IGFBP7: variants seen among roughly 807,000 people sequenced by gnomAD.
IGFBP7 encodes the protein insulin like growth factor binding protein 7, also known as insulin-like growth factor-binding protein 7.
A neutral mutation model predicts 29.4 loss-of-function variants in IGFBP7; 31 were observed. That is an observed-to-expected ratio of 1.05 (90% CI 0.79 to 1.42). The LOEUF (loss-of-function observed/expected upper bound fraction) is 1.42, where lower values mean the gene tolerates loss of function less well. Among genes scored for constraint, IGFBP7 ranks in the 40% most tolerant of loss-of-function variants. The probability of loss-of-function intolerance (pLI) is 0.00; values close to 1 mark genes in which losing one functional copy is unlikely to be tolerated. For missense variants in IGFBP7, 393 were observed against 395.5 expected (o/e 0.99, Z 0.05); for synonymous variants, 172 against 174.9 (o/e 0.98, Z 0.13).
intron 1 of IGFBP7, among the ~76,000 whole-genome samples, chr4:57,078,992 C>T (rs377319511): frequency 3.3e-5 from 5 of 152,296 alleles, no homozygotes; most frequent in East Asian, 1.9e-4. Context: ...CCTCCTGCTG[C>T]GGTGGCTTGT....
At chr4:57,104,503 A>G (rs10029224) in intron 1 of IGFBP7, among the ~76,000 whole-genome samples, 148,438 of 152,288 alleles carry the variant, frequency 0.97, 72,461 homozygotes, top group East Asian at 1. Context: ...CTTTGTTTCA[A>G]CTTTCAATGA....
intron 1 of IGFBP7, among the ~76,000 whole-genome samples, chr4:57,044,745 G>T (rs1578611891): frequency 6.6e-6 from 1 of 152,210 alleles, no homozygotes; most frequent in East Asian, 1.9e-4. Flanking sequence ...CAATAACTAT[G>T]GCATAATTTA....
intron 1 of IGFBP7, among the ~76,000 whole-genome samples, chr4:57,103,039 G>A (rs868487452): frequency 2.0e-5 from 3 of 152,126 alleles, no homozygotes; most frequent in Non-Finnish European, 4.4e-5. Flanking sequence ...AGCAGTCACC[G>A]AATAAGAAAA....
At chr4:57,104,115 G>A (rs1385216647) in intron 1 of IGFBP7, among the ~76,000 whole-genome samples, 3 of 151,894 alleles carry the variant, frequency 2.0e-5, no homozygotes, top group Admixed American at 6.6e-5. Flanking sequence ...TTGTCATTCT[G>A]TGCTTGGCTT....
chr4:57,099,173 C>T (rs1332264913), intron 1 of IGFBP7, among the ~76,000 whole-genome samples: 2 of 152,168 alleles, frequency 1.3e-5, no homozygotes, highest in African/African-American at 4.8e-5. Flanking sequence ...AGACAAACCT[C>T]TGTAGAAGCT....
intron 1 of IGFBP7, among the ~76,000 whole-genome samples, chr4:57,074,382 A>G (rs368453664): frequency 1.1e-4 from 17 of 152,214 alleles, no homozygotes; most frequent in African/African-American, 3.6e-4. Flanking sequence ...CTCTAATCCC[A>G]AATAAAAACA....
chr4:57,046,003 G>A (rs1724348340), intron 1 of IGFBP7, among the ~76,000 whole-genome samples: 1 of 152,136 alleles, frequency 6.6e-6, no homozygotes. Flanking sequence ...TGGGATTACA[G>A]GTGTGAGCCA....
At chr4:57,071,258 T>A (rs542985699) in intron 1 of IGFBP7, among the ~76,000 whole-genome samples, 2 of 152,360 alleles carry the variant, frequency 1.3e-5, no homozygotes, top group South Asian at 4.1e-4. Flanking sequence ...TGCTGCAGCC[T>A]CTGGAAAGCC....
In IGFBP7 at chr4:57,050,461, T is replaced by G. The variant is rs576427075; in HGVS notation, c.476-9528A>C. Among the ~76,000 whole-genome samples the G allele has an allele frequency of 3.9e-5, 6 of 151,948 alleles. No homozygotes were observed. The South Asian group carries it at 1.2e-3, about 32-fold the overall frequency. ...GGTTTCACCATGTTGGCCAGGCTGG[T>G]CTCGAACTCCTGACCTCAGGTGATC... is the stretch of plus-strand genomic sequence containing the variant. On this transcript the variant is annotated intron_variant, in intron 1 of 4. Coordinates refer to ENST00000295666, the MANE Select transcript of IGFBP7 (RefSeq NM_001553.3).
At chr4:57,043,150 C>G (rs952406524) in intron 1 of IGFBP7, among the ~76,000 whole-genome samples, 1 of 152,164 alleles carries the variant, frequency 6.6e-6, no homozygotes. Flanking sequence ...ATTCTGAATG[C>G]CAGGGTTCAA....
intron 1 of IGFBP7, among the ~76,000 whole-genome samples, chr4:57,047,313 C>G (rs541523269): frequency 1.4e-4 from 22 of 152,320 alleles, no homozygotes; most frequent in African/African-American, 5.1e-4. Flanking sequence ...CTTTGCTCCT[C>G]CTTCGCCTTC....
chr4:57,075,621 A>T (rs1725203417), intron 1 of IGFBP7, among the ~76,000 whole-genome samples: 1 of 147,522 alleles, frequency 6.8e-6, no homozygotes, highest in Non-Finnish European at 1.5e-5. Flanking sequence ...CATAAAAAGC[A>T]CACTAAGCTT....
At chr4:57,094,003 G>GGT (rs879860361) in intron 1 of IGFBP7, among the ~76,000 whole-genome samples, 11 of 151,986 alleles carry the variant, frequency 7.2e-5, no homozygotes, top group Non-Finnish European at 1.3e-4. Flanking sequence ...AGGGTTGAGG[G>GGT]GTGTGTGTGT....
At chr4:57,086,359 G>C (rs78012194) in intron 1 of IGFBP7, among the ~76,000 whole-genome samples, 1 of 152,164 alleles carries the variant, frequency 6.6e-6, no homozygotes, top group African/African-American at 2.4e-5. Flanking sequence ...AGCCCCGGCT[G>C]GGGGTTTTGA....
chr4:57,079,308 G>C (rs1725305769), intron 1 of IGFBP7, among the ~76,000 whole-genome samples: 1 of 152,046 alleles, frequency 6.6e-6, no homozygotes, highest in Non-Finnish European at 1.5e-5. Flanking sequence ...ACATCCCACT[G>C]TACTTCATTA....
At chr4:57,096,731 G>C (rs951907786) in intron 1 of IGFBP7, among the ~76,000 whole-genome samples, 1 of 152,096 alleles carries the variant, frequency 6.6e-6, no homozygotes, top group African/African-American at 2.4e-5. Context: ...TTCTTTACTC[G>C]TCAACACACC....
At position 57,040,849 on chromosome 4, in the gene IGFBP7, G is replaced by C; in HGVS notation, c.560C>G (p.Pro187Arg). ...VYLSCEVIGI[P>R]TPVLIWNKVK... ...CTTGTTCCAGATGAGGACAGGTGTC[G>C]GGATTCCGATGACCTCACAGCTCAA... Residue 187 changes from proline to arginine, a missense_variant, in exon 2 of 5, where the codon CCG becomes CGG. Physicochemically the swap from Pro to Arg is moderately radical, Grantham distance 103. Coordinates refer to ENST00000295666, the MANE Select transcript of IGFBP7 (RefSeq NM_001553.3). 1.2e-6 allele frequency: 2 copies of C among 1,613,324 alleles called. No individual in the cohort carries two copies. Among genetic ancestry groups the C allele is most frequent in the Non-Finnish European group, 1.7e-6 (2 of 1,179,294 alleles).
chr4:57,048,197 A>G (rs945215527), intron 1 of IGFBP7, among the ~76,000 whole-genome samples: 2 of 151,986 alleles, frequency 1.3e-5, no homozygotes, highest in Non-Finnish European at 2.9e-5. Flanking sequence ...GACTACAGGC[A>G]TCCACCACCA....
At chr4:57,035,704 A>C (rs1453884968) in intron 2 of IGFBP7, among the ~76,000 whole-genome samples, 1 of 152,084 alleles carries the variant, frequency 6.6e-6, no homozygotes, top group Admixed American at 6.5e-5. Context: ...TAAGTGATCC[A>C]CTTGCCTTGG....
Sources: gnomAD v4.1 joint callset for allele counts (sites outside exome capture counted in the v4.1 genomes callset) on GRCh38, gnomAD v4.1.1 for gene constraint, MANE v1.5 for transcripts, NCBI Gene and HGNC (gene_info 2026-07-23, HGNC 2026-07-21) for gene names.